Variants in RGSL1 observed in about 807,000 individuals in gnomAD.
RGSL1 encodes regulator of G protein signaling like 1.
RGSL1 carries 97 observed loss-of-function variants against 124.7 expected under a neutral mutation model. That is an observed-to-expected ratio of 0.78 (90% CI 0.66 to 0.92). The LOEUF is 0.92. Among genes scored for constraint, RGSL1 ranks in the 40% least tolerant of loss-of-function variants. RGSL1 has a pLI of 0.00. For synonymous variants in RGSL1, 424 were observed against 438.1 expected, an observed-to-expected ratio of 0.97 and a Z score of 0.40; for missense variants, 1,233 against 1,288.4, an observed-to-expected ratio of 0.96 and a Z score of 0.66.
At chr1:182,522,216 C>T in intron 10 of RGSL1, 107 bp downstream of exon 10, 1 of 750,090 alleles carries the variant, frequency 1.3e-6, no homozygotes, top group South Asian at 1.6e-5. Flanking sequence ...TTTTCAGACC[C>T]TTTTCCATAT....
chr1:182,452,024 T>G (rs1295403271), intron 1 of RGSL1, among the ~76,000 whole-genome samples: 1 of 147,754 alleles, frequency 6.8e-6, no homozygotes, highest in Non-Finnish European at 1.5e-5. Context: ...AGAGTGAGAG[T>G]GAGAGTGAGA....
chr1:182,547,915 C>A (rs1343856716), intron 15 of RGSL1, among the ~76,000 whole-genome samples: 1 of 152,202 alleles, frequency 6.6e-6, no homozygotes, highest in African/African-American at 2.4e-5. Flanking sequence ...GTCCAAACCT[C>A]CTCTCATTGC....
intron 6 of RGSL1, among the ~76,000 whole-genome samples, chr1:182,479,137 C>A (rs947325334): frequency 6.6e-6 from 1 of 152,034 alleles, no homozygotes; most frequent in Non-Finnish European, 1.5e-5. Flanking sequence ...AATAACAATA[C>A]AAAAGCATGT....
chr1:182,558,950 C>T (rs1314229847), intron 21 of RGSL1, among the ~76,000 whole-genome samples: 1 of 152,156 alleles, frequency 6.6e-6, no homozygotes, highest in Non-Finnish European at 1.5e-5. Context: ...GAAATTCTAC[C>T]GACCATGGTC....
chr1:182,498,307 T>TTGTATATGCCTCCCAGGTG (rs1173766163), intron 9 of RGSL1, among the ~76,000 whole-genome samples: 5 of 22,090 alleles, frequency 2.3e-4, no homozygotes, highest in African/African-American at 3.7e-4. Flanking sequence ...TCTTGCTTTT[T>TTGTATATGCCTCCCAGGTG]TGTATATGCC....
intron 8 of RGSL1, 33 bp downstream of exon 8, chr1:182,489,235 T>C (rs1655344887): frequency 1.4e-6 from 2 of 1,477,100 alleles, no homozygotes; most frequent in Non-Finnish European, 9.2e-7. Flanking sequence ...TTTTGACCTT[T>C]ACATATGGGC....
chr1:182,508,454 C>T (rs1657015450), intron 9 of RGSL1, among the ~76,000 whole-genome samples: 1 of 151,664 alleles, frequency 6.6e-6, no homozygotes, highest in South Asian at 2.1e-4. Context: ...TGCCTGCCAC[C>T]ACACCCAGCT....
rs1293639524 is a variant in RGSL1 at position 182,462,644 on chromosome 1, A to AT, written c.301+2513dup. Among the ~76,000 whole-genome samples, 5 of 152,320 alleles carry AT rather than the reference A, an allele frequency of 3.3e-5. No individual in the cohort carries two copies. The East Asian group carries it at 7.7e-4, about 23-fold the overall frequency. Reference sequence around the variant, plus strand: ...CACATAATTTAAGATATTAATGCACATTAATTAATTATTAGTTTATATTTT... The same window carrying AT: ...CACATAATTTAAGATATTAATGCACATTTAATTAATTATTAGTTTATATTTT... On this transcript the variant is annotated intron_variant, in intron 4 of 21. Transcript: ENST00000294854.
At chr1:182,456,678 G>T (rs542942329) in intron 2 of RGSL1, among the ~76,000 whole-genome samples, 1 of 152,282 alleles carries the variant, frequency 6.6e-6, no homozygotes, top group South Asian at 2.1e-4. Flanking sequence ...TAGAAACAGA[G>T]AGTGATTGGG....
intron 15 of RGSL1, among the ~76,000 whole-genome samples, chr1:182,547,741 G>A (rs554563986): frequency 2.0e-5 from 3 of 152,176 alleles, no homozygotes; most frequent in Admixed American, 2.0e-4. Context: ...GACGCCTGTA[G>A]TCCCAGCTAC....
At chr1:182,513,175 A>G (rs1657590475) in intron 9 of RGSL1, among the ~76,000 whole-genome samples, 1 of 152,184 alleles carries the variant, frequency 6.6e-6, no homozygotes, top group Non-Finnish European at 1.5e-5. Context: ...CCCTCTGAAG[A>G]GGCACATCTA....
intron 8 of RGSL1, among the ~76,000 whole-genome samples, chr1:182,492,790 G>A (rs1386202598): frequency 2.6e-5 from 4 of 151,708 alleles, no homozygotes; most frequent in South Asian, 2.1e-4. Flanking sequence ...CACCATACCC[G>A]GCTAATTTTT....
intron 9 of RGSL1, among the ~76,000 whole-genome samples, chr1:182,509,470 G>C (rs1419633760): frequency 4.9e-5 from 3 of 61,242 alleles, no homozygotes; most frequent in East Asian, 3.4e-4. Context: ...TCCCGGACGG[G>C]GCGGCTGGCC....
intron 15 of RGSL1, among the ~76,000 whole-genome samples, chr1:182,548,051 A>G (rs1257011078): frequency 6.6e-6 from 1 of 152,216 alleles, no homozygotes; most frequent in Non-Finnish European, 1.5e-5. Context: ...CTGTAGGGCC[A>G]GAATGGGTAA....
intron 4 of RGSL1, among the ~76,000 whole-genome samples, chr1:182,461,313 G>A (rs1652812387): frequency 6.6e-6 from 1 of 150,610 alleles, no homozygotes; most frequent in Admixed American, 6.6e-5. Flanking sequence ...ATATCCTACA[G>A]TAATAATAAT....
chr1:182,492,981 T>TG (rs1655645536), intron 8 of RGSL1, 41 bp from the exon 9 acceptor site: 1 of 1,347,818 alleles, frequency 7.4e-7, no homozygotes, highest in Non-Finnish European at 1.0e-6. Flanking sequence ...ACCCAGACTT[T>TG]GGACAACTAA....
At chr1:182,500,803 A>G (rs193265660) in intron 9 of RGSL1, among the ~76,000 whole-genome samples, 25 of 152,350 alleles carry the variant, frequency 1.6e-4, no homozygotes, top group Non-Finnish European at 2.9e-4. Context: ...TTGTGAGTAT[A>G]TAGAAATACA....
intron 6 of RGSL1, among the ~76,000 whole-genome samples, chr1:182,478,421 CA>C (rs1262691810): frequency 2.0e-5 from 3 of 152,074 alleles, no homozygotes; most frequent in Admixed American, 6.5e-5. Context: ...CTGAAAAATT[CA>C]ATAAAGAGCT....
chr1:182,478,742 C>G (rs1654478964), intron 6 of RGSL1, among the ~76,000 whole-genome samples: 1 of 152,170 alleles, frequency 6.6e-6, no homozygotes, highest in Admixed American at 6.5e-5. Context: ...TTCTGAAACT[C>G]AAAGATCTCC....
Sources: gnomAD v4.1 joint callset for allele counts (sites outside exome capture counted in the v4.1 genomes callset) on GRCh38, gnomAD v4.1.1 for gene constraint, MANE v1.5 for transcripts, NCBI Gene and HGNC (gene_info 2026-07-23, HGNC 2026-07-21) for gene names.